FHOD3: variants seen among roughly 807,000 people sequenced by gnomAD.
The protein encoded by FHOD3 is FH1/FH2 domain-containing protein 3.
Under a neutral mutation model 173.0 loss-of-function variants are expected in FHOD3, and 90 were observed. That is an observed-to-expected ratio of 0.52 (90% confidence interval 0.44 to 0.62). The LOEUF (loss-of-function observed/expected upper bound fraction) is 0.62. Ranked by LOEUF, FHOD3 falls within the 20% of genes least tolerant of loss-of-function variation. The pLI is 0.00. For synonymous variants in FHOD3, 828 were observed against 823.0 expected (o/e 1.01, Z -0.10); for missense variants, 1,945 against 2,034.7 (o/e 0.96, Z 0.85).
At chr18:36,343,829 C>A (rs374911745) in intron 1 of FHOD3, among the ~76,000 whole-genome samples, 29 of 152,306 alleles carry the variant, frequency 1.9e-4, no homozygotes, top group African/African-American at 7.0e-4. Context: ...ACAAAGACAA[C>A]CACGTATTGT....
chr18:36,486,547 AT>A (rs2054202598), intron 3 of FHOD3, among the ~76,000 whole-genome samples: 1 of 152,192 alleles, frequency 6.6e-6, no homozygotes, highest in Admixed American at 6.5e-5. Context: ...TTTTATAGTG[AT>A]CTAAGTTTAT....
intron 1 of FHOD3, among the ~76,000 whole-genome samples, chr18:36,314,123 A>G (rs1276682563): frequency 6.6e-6 from 1 of 152,174 alleles, no homozygotes; most frequent in African/African-American, 2.4e-5. Flanking sequence ...CACAAAAAAG[A>G]TCATTCATTT....
rs541829935 is a variant in FHOD3, at chr18:36,408,804, A to C, written c.337+36060A>C. ...AGCGCCCAGGAGCCAAGCCTGGAGC[A>C]TGTGGTGGATCACCTCCCAGGAGCA... On this transcript the variant is annotated intron_variant, in intron 3 of 28. Transcript: ENST00000590592. 3.9e-5 allele frequency among the ~76,000 whole-genome samples: 6 copies of C among 152,314 alleles called. No homozygotes were observed. The East Asian group carries it at 1.2e-3, about 29-fold the overall frequency.
intron 3 of FHOD3, among the ~76,000 whole-genome samples, chr18:36,475,907 C>T (rs2053550037): frequency 6.6e-6 from 1 of 151,742 alleles, no homozygotes; most frequent in African/African-American, 2.4e-5. Context: ...TAAACTAATG[C>T]TCTAGAAAAT....
intron 5 of FHOD3, among the ~76,000 whole-genome samples, chr18:36,515,645 A>G (rs2146422435): frequency 6.6e-6 from 1 of 152,326 alleles, no homozygotes; most frequent in African/African-American, 2.4e-5. Flanking sequence ...TCTGTTTTCT[A>G]GCTTTTCTGC....
At chr18:36,484,652 C>T (rs1458833018) in intron 3 of FHOD3, among the ~76,000 whole-genome samples, 1 of 152,138 alleles carries the variant, frequency 6.6e-6, no homozygotes, top group Non-Finnish European at 1.5e-5. Flanking sequence ...CCTTTCTCTG[C>T]AGTCGATGTT....
chr18:36,676,702 TCC>T (rs1267365849), intron 14 of FHOD3, among the ~76,000 whole-genome samples: 1 of 152,238 alleles, frequency 6.6e-6, no homozygotes, highest in Non-Finnish European at 1.5e-5. Flanking sequence ...TTTTTGTCAA[TCC>T]ATAATCTGAT....
intron 10 of FHOD3, among the ~76,000 whole-genome samples, chr18:36,628,227 G>A (rs919000581): frequency 5.3e-5 from 8 of 152,186 alleles, no homozygotes; most frequent in Non-Finnish European, 8.8e-5. Context: ...TTGTACAAGT[G>A]AGAAAACAGA....
chr18:36,448,723 C>T (rs1476007585), intron 3 of FHOD3, among the ~76,000 whole-genome samples: 2 of 69,986 alleles, frequency 2.9e-5, no homozygotes, highest in African/African-American at 2.2e-4. Flanking sequence ...TTGTGTGGGA[C>T]AACTCAGGAT....
At chr18:36,387,086 A>C (rs1349690057) in intron 3 of FHOD3, among the ~76,000 whole-genome samples, 16 of 152,126 alleles carry the variant, frequency 1.1e-4, no homozygotes, top group Non-Finnish European at 1.3e-4. Flanking sequence ...CACCCCAAAA[A>C]AGGCAAGTGC....
chr18:36,316,890 C>G (rs896732379), intron 1 of FHOD3, among the ~76,000 whole-genome samples: 13 of 148,898 alleles, frequency 8.7e-5, no homozygotes, highest in African/African-American at 3.2e-4. Flanking sequence ...CACCCCCTGA[C>G]AGGCCCCAGT....
chr18:36,332,888 A>G (rs2045096311), intron 1 of FHOD3, among the ~76,000 whole-genome samples: 1 of 152,186 alleles, frequency 6.6e-6, no homozygotes, highest in African/African-American at 2.4e-5. Flanking sequence ...ACCCCCTGCC[A>G]TGTGGTTTTA....
At chr18:36,400,396 C>T (rs2048749191) in intron 3 of FHOD3, among the ~76,000 whole-genome samples, 2 of 152,110 alleles carry the variant, frequency 1.3e-5, no homozygotes, top group Admixed American at 1.3e-4. Flanking sequence ...CCAATTGGTT[C>T]CTGTCTGCCC....
chr18:36,521,612 A>G (rs2056278448), intron 5 of FHOD3, among the ~76,000 whole-genome samples: 1 of 152,104 alleles, frequency 6.6e-6, no homozygotes, highest in Admixed American at 6.5e-5. Context: ...AGTTCAGATC[A>G]TCATTTGTTC....
chr18:36,526,265 A>T (rs753571046), intron 5 of FHOD3, among the ~76,000 whole-genome samples: 1 of 136,540 alleles, frequency 7.3e-6, no homozygotes, highest in Non-Finnish European at 1.6e-5. Context: ...TGGAATGAAA[A>T]TCCTGAAATC....
intron 3 of FHOD3, among the ~76,000 whole-genome samples, chr18:36,413,847 G>C (rs1163221321): frequency 2.0e-5 from 3 of 152,138 alleles, no homozygotes; most frequent in African/African-American, 7.2e-5. Flanking sequence ...TCACCAAAAA[G>C]TGTCTTCAAA....
At chr18:36,364,385 G>A (rs952207175) in intron 2 of FHOD3, among the ~76,000 whole-genome samples, 1 of 152,104 alleles carries the variant, frequency 6.6e-6, no homozygotes, top group Non-Finnish European at 1.5e-5. Flanking sequence ...AGAAGGAAAG[G>A]GACGAAGGGA....
chr18:36,673,477 T>C (rs1451865647), intron 14 of FHOD3, among the ~76,000 whole-genome samples: 2 of 152,208 alleles, frequency 1.3e-5, no homozygotes, highest in Non-Finnish European at 2.9e-5. Context: ...CCATTTACTT[T>C]ACCTCTCCCT....
At chr18:36,758,232 T>G (rs2042716796) in intron 25 of FHOD3, among the ~76,000 whole-genome samples, 2 of 152,348 alleles carry the variant, frequency 1.3e-5, no homozygotes, top group South Asian at 4.1e-4. Flanking sequence ...GTTTGTCATT[T>G]TAACTTCCAA....
Sources: gnomAD v4.1 joint callset for allele counts (sites outside exome capture counted in the v4.1 genomes callset) on GRCh38, gnomAD v4.1.1 for gene constraint, MANE v1.5 for transcripts, NCBI Gene and HGNC (gene_info 2026-07-23, HGNC 2026-07-21) for gene names.